PKD2L2: variants seen among roughly 807,000 people sequenced by gnomAD.
The protein encoded by PKD2L2 is polycystin-2-like protein 2.
PKD2L2 carries 67 observed loss-of-function variants against 83.9 expected under a neutral mutation model. The observed-to-expected ratio is 0.80, with a 90% confidence interval of 0.66 to 0.98. The LOEUF is 0.98. PKD2L2 is among the 50% of genes least tolerant of loss of function. The pLI is 0.00. For synonymous variants in PKD2L2, 223 were observed against 237.8 expected, an observed-to-expected ratio of 0.94 and a Z score of 0.57; for missense variants, 632 against 717.2, an observed-to-expected ratio of 0.88 and a Z score of 1.36.
At chr5:137,927,652 G>T (rs1460691644) in intron 12 of PKD2L2, among the ~76,000 whole-genome samples, 1 of 152,202 alleles carries the variant, frequency 6.6e-6, no homozygotes, top group East Asian at 1.9e-4. Context: ...ACAGACTGAA[G>T]TATTCAGGGA....
At chr5:137,919,049 C>T (rs1758652956) in intron 8 of PKD2L2, among the ~76,000 whole-genome samples, 1 of 151,922 alleles carries the variant, frequency 6.6e-6, no homozygotes, top group African/African-American at 2.4e-5. Flanking sequence ...TTGCTACACC[C>T]TCAAGTTAAA....
chr5:137,923,906 C>T (rs1759148903), intron 10 of PKD2L2, among the ~76,000 whole-genome samples: 2 of 152,168 alleles, frequency 1.3e-5, no homozygotes. Flanking sequence ...CTCCATGTGT[C>T]GTCTTCCTCA....
intron 8 of PKD2L2, among the ~76,000 whole-genome samples, chr5:137,917,980 G>A (rs576134374): frequency 6.6e-6 from 1 of 152,234 alleles, no homozygotes; most frequent in Admixed American, 6.5e-5. Context: ...CAGTTTGGGA[G>A]GCCAAGGCAA....
At chr5:137,939,108 T>C (rs1158303416) in intron 14 of PKD2L2, 1 of 152,068 alleles carries the variant, frequency 6.6e-6, no homozygotes, top group African/African-American at 2.4e-5. Context: ...GGCATACCAC[T>C]ACACATCCTG....
Position 137,925,871 on chromosome 5 carries a change from A to G in PKD2L2, c.1617-4A>G, listed in dbSNP as rs1458984778. The G allele has an allele frequency of 3.2e-6, 5 of 1,584,646 alleles. No homozygotes were observed. Among genetic ancestry groups the G allele is most frequent in the East Asian group, 2.2e-5 (1 of 44,640 alleles). On this transcript the variant is annotated splice_polypyrimidine_tract_variant and splice_region_variant and intron_variant, in intron 11 of 14. Coordinates refer to ENST00000508883, the MANE Select transcript of PKD2L2 (RefSeq NM_001300921.2). Reference sequence around the variant, plus strand: ...CTCTGACTTTTATTTTATATTCTCAATAGCAAAGGCAGCGGAGATTTGGCT... The same window carrying G: ...CTCTGACTTTTATTTTATATTCTCAGTAGCAAAGGCAGCGGAGATTTGGCT...
chr5:137,920,246 CACAT>C (rs1300693860), intron 8 of PKD2L2, among the ~76,000 whole-genome samples: 2 of 152,088 alleles, frequency 1.3e-5, no homozygotes, highest in Non-Finnish European at 2.9e-5. Flanking sequence ...AGAACACACA[CACAT>C]AATTTAAACT....
intron 6 of PKD2L2, among the ~76,000 whole-genome samples, chr5:137,907,263 G>A (rs1224632465): frequency 1.3e-5 from 2 of 152,126 alleles, no homozygotes; most frequent in Non-Finnish European, 2.9e-5. Context: ...AAAGTCAAAG[G>A]AAAATTTTCA....
intron 10 of PKD2L2, 104 bp from the exon 11 acceptor site, chr5:137,924,936 C>T: frequency 2.8e-6 from 2 of 713,114 alleles, no homozygotes; most frequent in Non-Finnish European, 5.0e-6. Flanking sequence ...TTTAGGGTAG[C>T]AATCCAGAGG....
At chr5:137,896,868 G>T (rs546312042) in intron 4 of PKD2L2, among the ~76,000 whole-genome samples, 1 of 149,444 alleles carries the variant, frequency 6.7e-6, no homozygotes, top group Non-Finnish European at 1.5e-5. Context: ...TATGAATAGT[G>T]ATTATATTTC....
At chr5:137,929,546 A>AAAAAAAAAAAAAAAAAAAAC (rs1759676547) in intron 12 of PKD2L2, among the ~76,000 whole-genome samples, 1 of 147,526 alleles carries the variant, frequency 6.8e-6, no homozygotes, top group Non-Finnish European at 1.5e-5. Flanking sequence ...AAAAAAAAAA[A>AAAAAAAAAAAAAAAAAAAAC]AAAAAAAAAA....
At chr5:137,895,472 TAAA>T (rs756004179) in intron 4 of PKD2L2, among the ~76,000 whole-genome samples, 7 of 65,826 alleles carry the variant, frequency 1.1e-4, no homozygotes, top group Non-Finnish European at 9.4e-5. Context: ...ACCTTGTCCC[TAAA>T]AAAAAAAAAA....
chr5:137,931,689 ATCC>A (rs1759892475), intron 12 of PKD2L2, among the ~76,000 whole-genome samples: 8 of 152,228 alleles, frequency 5.3e-5, no homozygotes, highest in Admixed American at 5.2e-4. Flanking sequence ...CATTGATCTT[ATCC>A]TCTTCACCTT....
chr5:137,918,703 C>T (rs1758600112), intron 8 of PKD2L2, among the ~76,000 whole-genome samples: 1 of 152,158 alleles, frequency 6.6e-6, no homozygotes. Flanking sequence ...CCAAGCCTTT[C>T]CCTGGAAGTT....
At chr5:137,915,124 T>C (rs1015851722) in intron 8 of PKD2L2, among the ~76,000 whole-genome samples, 4 of 152,200 alleles carry the variant, frequency 2.6e-5, no homozygotes, top group African/African-American at 9.6e-5. Context: ...TTCAAGGTAA[T>C]GATAGCCACG....
intron 9 of PKD2L2, among the ~76,000 whole-genome samples, chr5:137,922,116 C>T (rs1027893420): frequency 6.6e-6 from 1 of 152,226 alleles, no homozygotes; most frequent in Non-Finnish European, 1.5e-5. Context: ...TAAACACTTA[C>T]CACGTTGTGG....
At chr5:137,902,053 T>C (rs963969690) in intron 5 of PKD2L2, among the ~76,000 whole-genome samples, 4 of 148,960 alleles carry the variant, frequency 2.7e-5, no homozygotes, top group Non-Finnish European at 5.9e-5. Flanking sequence ...CTTGGAGAAA[T>C]CAAGAGCTAA....
chr5:137,940,069 C>T (rs1396201574), intron 14 of PKD2L2: 1 of 1,614,070 alleles, frequency 6.2e-7, no homozygotes, highest in Non-Finnish European at 8.5e-7. Context: ...TACTTACTCT[C>T]CCATCATTTG....
intron 12 of PKD2L2, among the ~76,000 whole-genome samples, chr5:137,934,974 CCA>C (rs1169729194): frequency 6.6e-6 from 1 of 152,174 alleles, no homozygotes; most frequent in Admixed American, 6.5e-5. Context: ...TATCAAGCAA[CCA>C]CAGAGTGTAT....
In PKD2L2 at chr5:137,894,577, C is replaced by T. The variant is rs1554105074; in HGVS notation, c.492C>T (p.Asp164=). 2 of 1,612,212 alleles carry T rather than the reference C, an allele frequency of 1.2e-6. No individual in the cohort carries two copies. Among genetic ancestry groups the T allele is most frequent in the Admixed American group, 1.7e-5 (1 of 60,000 alleles). Residue 164 remains aspartate (D), a synonymous_variant, in exon 4 of 15, where the codon GAC becomes GAT. Transcript: ENST00000508883. ...CYGKYTSANE[D]LSNFGLQINT... ...GCAAATATACTTCTGCAAATGAAGA[C>T]CTCTCTAATTTTGGCCTTCAAATTA...
Sources: gnomAD v4.1 joint callset for allele counts (sites outside exome capture counted in the v4.1 genomes callset) on GRCh38, gnomAD v4.1.1 for gene constraint, MANE v1.5 for transcripts, NCBI Gene and HGNC (gene_info 2026-07-23, HGNC 2026-07-21) for gene names.